The following SPAG16 variants were observed in gnomAD, a reference collection of about 807,000 sequenced individuals.
SPAG16 encodes sperm associated antigen 16.
A neutral mutation model predicts 80.4 loss-of-function variants in SPAG16; 86 were observed. The ratio of observed to expected loss-of-function variants is 1.07; its 90% CI spans 0.90 to 1.28. SPAG16 has a LOEUF of 1.28. Among genes scored for constraint, SPAG16 ranks in the 50% most tolerant of loss-of-function variants. SPAG16 has a pLI of 0.00. For synonymous variants in SPAG16, 294 were observed against 265.9 expected, an observed-to-expected ratio of 1.11 and a Z score of -1.03; for missense variants, 870 against 765.3, an observed-to-expected ratio of 1.14 and a Z score of -1.61.
chr2:213,552,229 G>A (rs774885905), intron 10 of SPAG16, among the ~76,000 whole-genome samples: 6 of 152,134 alleles, frequency 3.9e-5, no homozygotes, highest in East Asian at 1.9e-4. Context: ...GACACTCTGC[G>A]CCCCATAAAT....
intron 12 of SPAG16, among the ~76,000 whole-genome samples, chr2:213,978,897 C>T (rs867786832): frequency 3.3e-5 from 5 of 151,798 alleles, no homozygotes; most frequent in Non-Finnish European, 5.9e-5. Context: ...ATTCACAGGA[C>T]TTCCTATAAG....
At chr2:213,366,190 G>A (rs2125137271) in intron 8 of SPAG16, among the ~76,000 whole-genome samples, 1 of 150,680 alleles carries the variant, frequency 6.6e-6, no homozygotes, top group Admixed American at 6.6e-5. Flanking sequence ...AGGAAAACTT[G>A]CCTATTTAAC....
At chr2:214,392,621 T>C (rs934032603) in intron 15 of SPAG16, among the ~76,000 whole-genome samples, 6 of 151,862 alleles carry the variant, frequency 4.0e-5, no homozygotes, top group African/African-American at 1.2e-4. Flanking sequence ...AAGAATAGTA[T>C]TGAAAGAAGT....
chr2:213,358,689 C>A (rs181754338), intron 7 of SPAG16, among the ~76,000 whole-genome samples: 5 of 152,116 alleles, frequency 3.3e-5, no homozygotes, highest in African/African-American at 9.7e-5. Flanking sequence ...AGCTTCCTTG[C>A]GATGGGTTAG....
At chr2:213,632,328 C>G (rs184960342) in intron 10 of SPAG16, among the ~76,000 whole-genome samples, 1 of 152,094 alleles carries the variant, frequency 6.6e-6, no homozygotes, top group South Asian at 2.1e-4. Context: ...GATTTTGTAT[C>G]CTGTAACTTT....
At chr2:213,290,161 C>T (rs1051991239) in intron 1 of SPAG16, among the ~76,000 whole-genome samples, 1 of 152,206 alleles carries the variant, frequency 6.6e-6, no homozygotes, top group Non-Finnish European at 1.5e-5. Context: ...GGATCTGGTG[C>T]AGGCTCTGCT....
At chr2:214,103,102 T>C (rs542767597) in intron 13 of SPAG16, among the ~76,000 whole-genome samples, 1 of 152,288 alleles carries the variant, frequency 6.6e-6, no homozygotes, top group South Asian at 2.1e-4. Flanking sequence ...TCCAGTGGCA[T>C]GTGCCCCCCA....
intron 14 of SPAG16, among the ~76,000 whole-genome samples, chr2:214,137,044 G>T (rs1325772443): frequency 6.6e-6 from 1 of 151,932 alleles, no homozygotes; most frequent in Non-Finnish European, 1.5e-5. Flanking sequence ...CACTTGACAG[G>T]TACTGTGTGT....
chr2:213,343,190 G>A (rs1294720595), intron 6 of SPAG16, among the ~76,000 whole-genome samples: 1 of 152,058 alleles, frequency 6.6e-6, no homozygotes, highest in Non-Finnish European at 1.5e-5. Flanking sequence ...CACAGTGCTG[G>A]GAGATGCAGG....
At chr2:213,611,361 G>A (rs1271465803) in intron 10 of SPAG16, among the ~76,000 whole-genome samples, 1 of 152,134 alleles carries the variant, frequency 6.6e-6, no homozygotes, top group African/African-American at 2.4e-5. Flanking sequence ...TGTATTAATA[G>A]CATGTTTTTT....
At chr2:213,858,357 G>A (rs2075268595) in intron 10 of SPAG16, among the ~76,000 whole-genome samples, 1 of 152,098 alleles carries the variant, frequency 6.6e-6, no homozygotes, top group African/African-American at 2.4e-5. Flanking sequence ...AACTCTGATT[G>A]GTCAGCAGCC....
intron 15 of SPAG16, among the ~76,000 whole-genome samples, chr2:214,167,113 A>T (rs1576397493): frequency 6.6e-6 from 1 of 152,144 alleles, no homozygotes; most frequent in Non-Finnish European, 1.5e-5. Flanking sequence ...GACTTCACAT[A>T]TGTCTGGAAG....
intron 9 of SPAG16, among the ~76,000 whole-genome samples, chr2:213,439,605 T>C (rs2070823153): frequency 6.6e-6 from 1 of 152,156 alleles, no homozygotes; most frequent in Non-Finnish European, 1.5e-5. Flanking sequence ...TTCCTGCTTA[T>C]GGTAAAAATG....
chr2:214,377,301 CT>C (rs1229181419), intron 15 of SPAG16, among the ~76,000 whole-genome samples: 5 of 152,166 alleles, frequency 3.3e-5, no homozygotes, highest in African/African-American at 4.8e-5. Context: ...CGAAGTGCCA[CT>C]AGTGATGCCA....
In SPAG16 at chr2:213,516,222, A is replaced by C. The variant is rs529915322; in HGVS notation, c.1070+26132A>C. Reference sequence around the variant, plus strand: ...TGCATTCTTGAAATTACACTCTAGAATTCACATCAGCTGTGGAAATTTATA... The same window carrying C: ...TGCATTCTTGAAATTACACTCTAGACTTCACATCAGCTGTGGAAATTTATA... On this transcript the variant is annotated intron_variant, in intron 10 of 15. Coordinates refer to ENST00000331683, the MANE Select transcript of SPAG16 (RefSeq NM_024532.5). 2.1e-3 allele frequency among the ~76,000 whole-genome samples: 320 copies of C among 152,286 alleles called. 1 individual carries two copies. Among genetic ancestry groups the C allele is most frequent in the Non-Finnish European group, 3.9e-3 (263 of 68,008 alleles).
At chr2:214,123,651 T>A (rs1414984550) in intron 14 of SPAG16, among the ~76,000 whole-genome samples, 4 of 152,044 alleles carry the variant, frequency 2.6e-5, no homozygotes, top group African/African-American at 9.7e-5. Flanking sequence ...GAATATGAAG[T>A]GCTACCTATC....
intron 15 of SPAG16, among the ~76,000 whole-genome samples, chr2:214,396,616 A>T (rs1372178642): frequency 6.6e-6 from 1 of 152,102 alleles, no homozygotes; most frequent in Non-Finnish European, 1.5e-5. Context: ...TTCTTCTTAC[A>T]TGTTCATGTG....
chr2:213,768,612 A>G (rs977192214), intron 10 of SPAG16, among the ~76,000 whole-genome samples: 1 of 152,186 alleles, frequency 6.6e-6, no homozygotes, highest in African/African-American at 2.4e-5. Flanking sequence ...TTTGTTCCAA[A>G]ATGGAACAAA....
At chr2:213,626,641 A>ATTTTTTT (rs10582370) in intron 10 of SPAG16, among the ~76,000 whole-genome samples, 25 of 98,972 alleles carry the variant, frequency 2.5e-4, no homozygotes, top group Non-Finnish European at 3.7e-4. Flanking sequence ...ATCGGGCTCA[A>ATTTTTTT]TTTTTTTTTT....
Sources: allele counts gnomAD v4.1 joint callset (sites outside exome capture counted in the v4.1 genomes callset), GRCh38; gene constraint gnomAD v4.1.1; transcripts MANE v1.5; gene names NCBI Gene and HGNC (gene_info 2026-07-23, HGNC 2026-07-21).